Variants in XRCC4 observed in about 807,000 individuals in gnomAD.
XRCC4 encodes DNA repair protein XRCC4.
XRCC4 carries 28 observed loss-of-function variants against 39.1 expected under a neutral mutation model. The ratio of observed to expected loss-of-function variants is 0.72; its 90% CI spans 0.53 to 0.98. The LOEUF (loss-of-function observed/expected upper bound fraction) is 0.98. Among genes scored for constraint, XRCC4 ranks in the 50% least tolerant of loss-of-function variants. The probability of loss-of-function intolerance (pLI) is 0.00; values close to 1 mark genes in which losing one functional copy is unlikely to be tolerated. For missense variants in XRCC4, 350 were observed against 376.4 expected (o/e 0.93, Z 0.58); for synonymous variants, 123 against 126.4 (o/e 0.97, Z 0.18).
intron 1 of XRCC4, among the ~76,000 whole-genome samples, chr5:83,095,794 G>T (rs1457659623): frequency 6.6e-6 from 1 of 151,870 alleles, no homozygotes. Flanking sequence ...GCAGAGACTG[G>T]GCCCCTTCAC....
rs74373750 is a variant in XRCC4 at position 83,094,884 on chromosome 5, CTTT to C, written c.-10-10009_-10-10007del. 6.0e-3 allele frequency among the ~76,000 whole-genome samples: 766 copies of C among 127,930 alleles called. 10 individuals carry two copies. Among genetic ancestry groups the C allele is most frequent in the South Asian group, 0.042 (166 of 3,978 alleles). The allele number at this position is 127,930 out of a possible 152,430, so 83.9% of individuals were successfully genotyped here. A position where few individuals can be genotyped will look rare whatever the true frequency, so the allele number is the denominator to read the frequency against. Reference sequence around the variant, plus strand: ...TTTTTAATAAGGATTATTCTGAAATCTTTTTTTTTTTTTTTTTTTACCATTTTA... The same window carrying C: ...TTTTTAATAAGGATTATTCTGAAATCTTTTTTTTTTTTTTTTACCATTTTA... On this transcript the variant is annotated intron_variant, in intron 1 of 7. Coordinates refer to ENST00000396027, the MANE Select transcript of XRCC4 (RefSeq NM_003401.5).
At chr5:83,119,390 C>A (rs1746888135) in intron 3 of XRCC4, among the ~76,000 whole-genome samples, 3 of 152,046 alleles carry the variant, frequency 2.0e-5, no homozygotes, top group Admixed American at 1.3e-4. Flanking sequence ...ATACTGAACA[C>A]TATATAATTT....
chr5:83,309,585 A>C (rs301288), intron 7 of XRCC4, among the ~76,000 whole-genome samples: 138,949 of 150,458 alleles, frequency 0.92, 64,318 homozygotes, highest in African/African-American at 0.98. Context: ...CACGGTGAAA[A>C]CCCGTCTCTA....
intron 7 of XRCC4, among the ~76,000 whole-genome samples, chr5:83,309,296 A>AAAAAAAAAAAAATAAATATATAT (rs1561467702): frequency 1.4e-5 from 1 of 72,218 alleles, no homozygotes; most frequent in Admixed American, 2.5e-4. Flanking sequence ...AAAAAAAAAA[A>AAAAAAAAAAAAATAAATATATAT]ATATATATAT....
intron 1 of XRCC4, among the ~76,000 whole-genome samples, chr5:83,101,019 C>T (rs944554387): frequency 2.0e-5 from 3 of 151,872 alleles, no homozygotes; most frequent in Admixed American, 1.3e-4. Context: ...CTGTGATTAT[C>T]GTATCAAACC....
chr5:83,174,905 A>G (rs1349427642), intron 3 of XRCC4, among the ~76,000 whole-genome samples: 1 of 152,174 alleles, frequency 6.6e-6, no homozygotes, highest in Non-Finnish European at 1.5e-5. Flanking sequence ...ATTTTTATGA[A>G]AATCAATATA....
intron 1 of XRCC4, among the ~76,000 whole-genome samples, chr5:83,097,452 G>A (rs1260670806): frequency 6.6e-6 from 1 of 151,504 alleles, no homozygotes; most frequent in Non-Finnish European, 1.5e-5. Flanking sequence ...TTAAGTAAAT[G>A]ATGGGTTTGT....
At chr5:83,315,097 G>C (rs1191090697) in intron 7 of XRCC4, among the ~76,000 whole-genome samples, 1 of 152,148 alleles carries the variant, frequency 6.6e-6, no homozygotes, top group Non-Finnish European at 1.5e-5. Context: ...TGCTACTTCA[G>C]TGAACACATG....
chr5:83,360,208 T>C, the XRCC4 span, among the ~76,000 whole-genome samples: 1 of 152,270 alleles, frequency 6.6e-6, no homozygotes, highest in East Asian at 1.9e-4. Flanking sequence ...TGTCACTCTC[T>C]CATATAAGAT....
intron 7 of XRCC4, among the ~76,000 whole-genome samples, chr5:83,322,518 A>G (rs1402132856): frequency 6.6e-6 from 1 of 152,176 alleles, no homozygotes; most frequent in South Asian, 2.1e-4. Context: ...CCGCATGCGC[A>G]TGTCCTAATT....
At chr5:83,333,454 G>A (rs541809761) in intron 7 of XRCC4, among the ~76,000 whole-genome samples, 1 of 152,226 alleles carries the variant, frequency 6.6e-6, no homozygotes, top group East Asian at 1.9e-4. Flanking sequence ...TTATTTTCAA[G>A]TTAATAATAA....
intron 7 of XRCC4, chr5:83,280,229 A>G (rs1269640780): frequency 6.1e-6 from 2 of 327,960 alleles, no homozygotes; most frequent in Admixed American, 3.8e-5. Context: ...TATTGCCCCA[A>G]CACAGGTGGA....
chr5:83,129,779 G>A (rs1747469446), intron 3 of XRCC4, among the ~76,000 whole-genome samples: 1 of 151,172 alleles, frequency 6.6e-6, no homozygotes, highest in African/African-American at 2.4e-5. Flanking sequence ...CTCTGTTATT[G>A]GAGTATAGGA....
chr5:83,302,365 A>G (rs1755318715), intron 7 of XRCC4, among the ~76,000 whole-genome samples: 1 of 152,128 alleles, frequency 6.6e-6, no homozygotes, highest in Non-Finnish European at 1.5e-5. Flanking sequence ...CCTGGTCTGC[A>G]GGTTGCGAAG....
chr5:83,142,969 C>G (rs188637020), intron 3 of XRCC4, among the ~76,000 whole-genome samples: 499 of 152,158 alleles, frequency 3.3e-3, no homozygotes, highest in African/African-American at 0.011. Flanking sequence ...AGTTGAGATA[C>G]AATGCTTATG....
chr5:83,152,268 CAACT>C (rs1748738934), intron 3 of XRCC4, among the ~76,000 whole-genome samples: 5 of 152,146 alleles, frequency 3.3e-5, no homozygotes, highest in Admixed American at 3.3e-4. Flanking sequence ...GTTTTTTAGG[CAACT>C]AAGGTTTTCT....
At chr5:83,137,814 T>A (rs961471683) in intron 3 of XRCC4, among the ~76,000 whole-genome samples, 2 of 152,202 alleles carry the variant, frequency 1.3e-5, no homozygotes, top group Non-Finnish European at 2.9e-5. Flanking sequence ...AAGTCTTTGT[T>A]GTTAGTATTT....
At chr5:83,099,859 A>G (rs1353042016) in intron 1 of XRCC4, among the ~76,000 whole-genome samples, 1 of 152,186 alleles carries the variant, frequency 6.6e-6, no homozygotes, top group Non-Finnish European at 1.5e-5. Flanking sequence ...TGGGGCAAAA[A>G]ACTATGGCTG....
At chr5:83,340,391 G>T (rs1448817857) in intron 7 of XRCC4, among the ~76,000 whole-genome samples, 1 of 152,116 alleles carries the variant, frequency 6.6e-6, no homozygotes, top group Non-Finnish European at 1.5e-5. Context: ...TGGAAATAAG[G>T]TTGAAAATCA....
Sources: gnomAD v4.1 joint callset for allele counts (sites outside exome capture counted in the v4.1 genomes callset) on GRCh38, gnomAD v4.1.1 for gene constraint, MANE v1.5 for transcripts, NCBI Gene and HGNC (gene_info 2026-07-23, HGNC 2026-07-21) for gene names.